The following TRIM44 variants were observed in gnomAD, a reference collection of about 807,000 sequenced individuals.
TRIM44 encodes tripartite motif-containing protein 44.
Under a neutral mutation model 37.4 loss-of-function variants are expected in TRIM44, and 13 were observed. The ratio of observed to expected loss-of-function variants is 0.35; its 90% CI spans 0.23 to 0.55. The LOEUF is 0.55. Among genes scored for constraint, TRIM44 ranks in the 20% least tolerant of loss-of-function variants. The pLI, the probability that TRIM44 is intolerant of heterozygous loss-of-function variation, is 0.89. For missense variants in TRIM44, 426 were observed against 437.2 expected (o/e 0.97, Z 0.23); for synonymous variants, 175 against 157.2 (o/e 1.11, Z -0.85).
At chr11:35,671,746 G>A (rs573137411) in intron 1 of TRIM44, among the ~76,000 whole-genome samples, 4 of 152,198 alleles carry the variant, frequency 2.6e-5, no homozygotes, top group South Asian at 2.1e-4. Context: ...TCTTGAAGGC[G>A]TAAGATCAGC....
At chr11:35,759,024 T>A (rs1852686778) in intron 4 of TRIM44, among the ~76,000 whole-genome samples, 1 of 152,170 alleles carries the variant, frequency 6.6e-6, no homozygotes, top group Non-Finnish European at 1.5e-5. Flanking sequence ...TTCTCTGTAT[T>A]TCCTGAATTT....
chr11:35,675,528 G>A (rs185361859), intron 1 of TRIM44, among the ~76,000 whole-genome samples: 2 of 152,256 alleles, frequency 1.3e-5, no homozygotes, highest in African/African-American at 4.8e-5. Flanking sequence ...ATAGAAAAGT[G>A]AAGAAGGGCA....
rs1044470210 is a variant in TRIM44, at chr11:35,809,527, C to T, written c.*3142C>T. 2 of 152,108 alleles carry T rather than the reference C, an allele frequency of 1.3e-5. No homozygotes were observed. The highest frequency in any genetic ancestry group is 2.9e-5 in the Non-Finnish European group (2 of 68,026). 9.4% of individuals were successfully genotyped at this position (152,108 alleles called of 1,614,324 possible). A position where few individuals can be genotyped will look rare whatever the true frequency, so the allele number is the denominator to read the frequency against. ...TAAGTACACATTGCTGACTTGAGCC[C>T]ACCCCCAGGAGTTAGGAGAACATTT... On this transcript the variant is annotated 3_prime_UTR_variant, in exon 5 of 5. Transcript: ENST00000299413.
intron 4 of TRIM44, among the ~76,000 whole-genome samples, chr11:35,751,632 A>T (rs1564998328): frequency 6.6e-6 from 1 of 152,256 alleles, no homozygotes; most frequent in South Asian, 2.1e-4. Context: ...ATTTTGTCTT[A>T]TACCCTTTAA....
At chr11:35,758,804 CT>C (rs1454595345) in intron 4 of TRIM44, among the ~76,000 whole-genome samples, 4 of 152,172 alleles carry the variant, frequency 2.6e-5, no homozygotes, top group African/African-American at 9.6e-5. Flanking sequence ...AAATTCTTTT[CT>C]TTAAGAATGT....
Position 35,815,513 on chromosome 11 carries a change from A to G in TRIM44, c.*9128A>G, listed in dbSNP as rs1230290630. 6.6e-6 allele frequency: 1 copy of G among 152,190 alleles called. No homozygotes were observed. Among genetic ancestry groups the G allele is most frequent in the African/African-American group, 2.4e-5 (1 of 41,452 alleles). The allele number at this position is 152,190 out of a possible 1,614,324, so 9.4% of individuals were successfully genotyped here. Reference sequence around the variant, plus strand: ...ATGGGTATTTCTCAACACTCAAGCCAATTTCCCATTTGATAACAAGTAGGT... The same window carrying G: ...ATGGGTATTTCTCAACACTCAAGCCGATTTCCCATTTGATAACAAGTAGGT... On this transcript the variant is annotated 3_prime_UTR_variant, in exon 5 of 5. Coordinates refer to ENST00000299413, the MANE Select transcript of TRIM44 (RefSeq NM_017583.6).
chr11:35,739,450 A>G (rs1027696298), intron 4 of TRIM44, among the ~76,000 whole-genome samples: 2 of 152,180 alleles, frequency 1.3e-5, no homozygotes, highest in Non-Finnish European at 2.9e-5. Context: ...TACAAAAGCC[A>G]AGAGGATTCA....
intron 2 of TRIM44, among the ~76,000 whole-genome samples, chr11:35,696,267 G>T (rs1477447137): frequency 6.6e-6 from 1 of 150,828 alleles, no homozygotes; most frequent in Admixed American, 6.6e-5. Context: ...TCAGCCTCCT[G>T]AGTAGCTGGG....
Position 35,811,461 on chromosome 11 carries a change from T to C in TRIM44, c.*5076T>C, listed in dbSNP as rs571701122. 1 of 152,272 alleles carries C rather than the reference T, an allele frequency of 6.6e-6. No individual in the cohort carries two copies. Among genetic ancestry groups the C allele is most frequent in the South Asian group, 2.1e-4 (1 of 4,820 alleles). 9.4% of individuals were successfully genotyped at this position (152,272 alleles called of 1,614,324 possible). A position where few individuals can be genotyped will look rare whatever the true frequency, so the allele number is the denominator to read the frequency against. ...AAAAAAAAATGTCTTTTAGAGCAAA[T>C]TACAGTTAGGCCAACAAAATCTTTG... On this transcript the variant is annotated 3_prime_UTR_variant, in exon 5 of 5. Transcript: ENST00000299413.
chr11:35,669,861 T>G (rs1034742870), intron 1 of TRIM44, among the ~76,000 whole-genome samples: 1 of 151,986 alleles, frequency 6.6e-6, no homozygotes, highest in African/African-American at 2.4e-5. Context: ...CTCATTCTGT[T>G]GCCCAGGATG....
At chr11:35,752,547 C>T (rs1852571962) in intron 4 of TRIM44, among the ~76,000 whole-genome samples, 1 of 151,600 alleles carries the variant, frequency 6.6e-6, no homozygotes, top group Non-Finnish European at 1.5e-5. Context: ...GATGCTAAAC[C>T]CCAAATATCT....
intron 4 of TRIM44, among the ~76,000 whole-genome samples, chr11:35,751,646 C>T (rs1564998337): frequency 6.6e-6 from 1 of 152,202 alleles, no homozygotes; most frequent in East Asian, 1.9e-4. Context: ...CCTTTAAAAG[C>T]GTAAAGTGCT....
intron 3 of TRIM44, among the ~76,000 whole-genome samples, chr11:35,732,828 G>A (rs981397440): frequency 1.4e-4 from 22 of 152,260 alleles, no homozygotes; most frequent in African/African-American, 4.3e-4. Context: ...AATCCTCTCC[G>A]TGCCAACCTA....
Position 35,738,569 on chromosome 11 carries a change from T to C in TRIM44, c.1007+3124T>C, listed in dbSNP as rs553352098. Among the ~76,000 whole-genome samples the C allele has an allele frequency of 2.0e-5, 3 of 152,354 alleles. No homozygotes were observed. In the South Asian group the frequency reaches 6.2e-4, roughly 32 times the overall value. ...ATTCCTACTTGTTGGTTCAATTCAC[T>C]TTATTTGTATTAAACTACCATTTGG... On this transcript the variant is annotated intron_variant, in intron 4 of 4. Coordinates refer to ENST00000299413, the MANE Select transcript of TRIM44 (RefSeq NM_017583.6).
chr11:35,746,403 G>A (rs1166300046), intron 4 of TRIM44, among the ~76,000 whole-genome samples: 1 of 149,456 alleles, frequency 6.7e-6, no homozygotes, highest in Non-Finnish European at 1.5e-5. Context: ...AGGCAGGCAA[G>A]AGGTCAGTAA....
rs1014316313 is a variant in TRIM44, at chr11:35,809,131, T to C, written c.*2746T>C. The C allele has an allele frequency of 6.6e-6, 1 of 152,178 alleles. No homozygotes were observed. The highest frequency in any genetic ancestry group is 1.5e-5 in the Non-Finnish European group (1 of 68,020). The allele number at this position is 152,178 out of a possible 1,614,324, so 9.4% of individuals were successfully genotyped here. ...AATCCAGGACAGTCCCAAGAAGTGC[T>C]TGGAGTCTCGGCTCTGACAGCCCAA... On this transcript the variant is annotated 3_prime_UTR_variant, in exon 5 of 5. Coordinates refer to ENST00000299413, the MANE Select transcript of TRIM44 (RefSeq NM_017583.6).
rs983572009 is a variant in TRIM44 at position 35,812,931 on chromosome 11, G to A, written c.*6546G>A. 1.4e-4 allele frequency: 22 copies of A among 152,282 alleles called. No individual in the cohort carries two copies. The highest frequency in any genetic ancestry group is 5.1e-4 in the African/African-American group (21 of 41,562). 9.4% of individuals were successfully genotyped at this position (152,282 alleles called of 1,614,324 possible). ...CAAGGCCATAAATAAGAAAATCAACGAGAGGCAAAACCATGTCTTCTTTTG... is the reference window on the plus strand; with the variant it reads ...CAAGGCCATAAATAAGAAAATCAACAAGAGGCAAAACCATGTCTTCTTTTG... On this transcript the variant is annotated 3_prime_UTR_variant, in exon 5 of 5. Coordinates refer to ENST00000299413, the MANE Select transcript of TRIM44 (RefSeq NM_017583.6).
chr11:35,703,023 C>G (rs1851815976), intron 2 of TRIM44, among the ~76,000 whole-genome samples: 1 of 152,210 alleles, frequency 6.6e-6, no homozygotes, highest in South Asian at 2.1e-4. Flanking sequence ...GGGTGACAGA[C>G]AGCACCTGGA....
rs35980563 is a variant in TRIM44, at chr11:35,662,883, G to A, written c.-229G>A. 9 of 600,502 alleles carry A rather than the reference G, an allele frequency of 1.5e-5. No individual in the cohort carries two copies. The East Asian group carries it at 3.5e-4, about 23-fold the overall frequency. 37.2% of individuals were successfully genotyped at this position (600,502 alleles called of 1,614,324 possible). On this transcript the variant is annotated 5_prime_UTR_variant, in exon 1 of 5. Coordinates refer to ENST00000299413, the MANE Select transcript of TRIM44 (RefSeq NM_017583.6). Reference sequence around the variant, plus strand: ...CGCCGGAAGTGCCTTGCGCGGCAGAGGAAGCGCAGGGACAGAGCGGAGCAG... The same window carrying A: ...CGCCGGAAGTGCCTTGCGCGGCAGAAGAAGCGCAGGGACAGAGCGGAGCAG...
Sources: gnomAD v4.1 joint callset for allele counts (sites outside exome capture counted in the v4.1 genomes callset) on GRCh38, gnomAD v4.1.1 for gene constraint, MANE v1.5 for transcripts, NCBI Gene and HGNC (gene_info 2026-07-23, HGNC 2026-07-21) for gene names.